CSMD1: variants seen among roughly 807,000 people sequenced by gnomAD.
CSMD1 encodes the protein CUB and Sushi multiple domains 1.
CSMD1 carries 213 observed loss-of-function variants against 417.5 expected under a neutral mutation model. The observed-to-expected ratio is 0.51, with a 90% CI of 0.46 to 0.57. CSMD1 has a LOEUF of 0.57. Among genes scored for constraint, CSMD1 ranks in the 20% least tolerant of loss-of-function variants. The pLI is 0.00. For synonymous variants in CSMD1, 2,862 were observed against 1,736.8 expected, an observed-to-expected ratio of 1.65 and a Z score of -16.11; for missense variants, 6,923 against 4,529.7, an observed-to-expected ratio of 1.53 and a Z score of -15.17.
rs1057001274 is a variant in CSMD1, at chr8:4,856,523, C to G, written c.85+137809G>C. On this transcript the variant is annotated intron_variant, in intron 1 of 69. Transcript: ENST00000635120. ...AGTGTGCTGTATTCAGGAAACCCAT[C>G]TCACGTGCAGAGACACACATAGGCT... Among the ~76,000 whole-genome samples, 25 of 139,298 alleles carry G rather than the reference C, an allele frequency of 1.8e-4. 1 individual carries two copies. The highest frequency in any genetic ancestry group is 2.1e-4 in the East Asian group (1 of 4,684). The allele number at this position is 139,298 out of a possible 152,430, so 91.4% of individuals were successfully genotyped here.
intron 3 of CSMD1, among the ~76,000 whole-genome samples, chr8:4,225,657 G>T (rs190408916): frequency 9.2e-4 from 140 of 152,222 alleles, no homozygotes; most frequent in Non-Finnish European, 1.4e-3. Flanking sequence ...GAAATTAAAA[G>T]CAGGAAAGTG....
chr8:4,986,388 C>A (rs990455117), intron 1 of CSMD1, among the ~76,000 whole-genome samples: 72 of 152,256 alleles, frequency 4.7e-4, no homozygotes, highest in African/African-American at 1.6e-3. Flanking sequence ...AAGACACTTT[C>A]TGTTAAAAAA....
chr8:3,083,555 G>A (rs1814260836), intron 49 of CSMD1, among the ~76,000 whole-genome samples: 1 of 126,986 alleles, frequency 7.9e-6, no homozygotes, highest in Admixed American at 8.8e-5. Context: ...AGCCAAATGT[G>A]CAACTCTATA....
chr8:4,429,397 T>C (rs531824654), intron 2 of CSMD1, among the ~76,000 whole-genome samples: 254 of 152,216 alleles, frequency 1.7e-3, no homozygotes, highest in African/African-American at 5.7e-3. Context: ...ACAAACTATA[T>C]CGGACAAAGA....
At chr8:3,933,895 T>C (rs1810312789) in intron 5 of CSMD1, among the ~76,000 whole-genome samples, 1 of 152,148 alleles carries the variant, frequency 6.6e-6, no homozygotes, top group South Asian at 2.1e-4. Context: ...TTACTTTCTC[T>C]AGGCCACCTA....
At chr8:3,175,475 C>CCTTTCCTTCCTTCTTTTT (rs1554451319) in intron 37 of CSMD1, among the ~76,000 whole-genome samples, 1 of 132,470 alleles carries the variant, frequency 7.5e-6, no homozygotes, top group African/African-American at 2.9e-5. Flanking sequence ...TCCTTCTTTT[C>CCTTTCCTTCCTTCTTTTT]CCTTCCTTCC....
chr8:3,593,398 TC>T (rs2117037737), intron 8 of CSMD1, among the ~76,000 whole-genome samples: 1 of 152,210 alleles, frequency 6.6e-6, no homozygotes, highest in African/African-American at 2.4e-5. Context: ...CCCATGAGCC[TC>T]CCCCAGGTCC....
intron 3 of CSMD1, among the ~76,000 whole-genome samples, chr8:4,069,679 T>A (rs965091632): frequency 2.6e-5 from 4 of 152,138 alleles, no homozygotes; most frequent in Non-Finnish European, 5.9e-5. Flanking sequence ...CCGACTGGAT[T>A]GCATTCTCAT....
intron 5 of CSMD1, among the ~76,000 whole-genome samples, chr8:3,834,581 A>G (rs1802570070): frequency 6.6e-6 from 1 of 152,190 alleles, no homozygotes; most frequent in African/African-American, 2.4e-5. Context: ...TGTATTACAA[A>G]TATATAAATG....
At chr8:3,558,862 G>C (rs535093416) in intron 10 of CSMD1, among the ~76,000 whole-genome samples, 9 of 152,122 alleles carry the variant, frequency 5.9e-5, no homozygotes, top group African/African-American at 2.2e-4. Context: ...AGTACCCCAT[G>C]TTCACCTGCC....
At chr8:4,415,373 C>G (rs116184202) in intron 3 of CSMD1, among the ~76,000 whole-genome samples, 4,834 of 152,260 alleles carry the variant, frequency 0.032, 139 homozygotes, top group African/African-American at 0.079. Context: ...TCTGTTGTCT[C>G]TCTTCCTTGA....
intron 1 of CSMD1, among the ~76,000 whole-genome samples, chr8:4,770,878 C>A (rs1193020884): frequency 6.6e-6 from 1 of 152,030 alleles, no homozygotes; most frequent in Non-Finnish European, 1.5e-5. Flanking sequence ...GGGAAATGCT[C>A]GTTAACATTG....
chr8:4,886,868 G>C (rs1803775872), intron 1 of CSMD1, among the ~76,000 whole-genome samples: 1 of 151,696 alleles, frequency 6.6e-6, no homozygotes, highest in Non-Finnish European at 1.5e-5. Context: ...TTTTCTTTTT[G>C]CTTTAATTGG....
intron 11 of CSMD1, among the ~76,000 whole-genome samples, chr8:3,476,848 G>A (rs1817456388): frequency 6.7e-6 from 1 of 149,558 alleles, no homozygotes; most frequent in Non-Finnish European, 1.5e-5. Context: ...AACCTGGGAA[G>A]CAGAGGTCGC....
At chr8:4,064,129 T>C (rs537554201) in intron 3 of CSMD1, among the ~76,000 whole-genome samples, 1 of 152,292 alleles carries the variant, frequency 6.6e-6, no homozygotes, top group East Asian at 1.9e-4. Context: ...AGAAAATTGT[T>C]TCTGCCTCTG....
At chr8:3,921,676 T>G (rs1442284443) in intron 5 of CSMD1, among the ~76,000 whole-genome samples, 1 of 152,160 alleles carries the variant, frequency 6.6e-6, no homozygotes, top group Non-Finnish European at 1.5e-5. Flanking sequence ...GTTGCTTAAT[T>G]TTCACATATT....
Position 3,494,488 on chromosome 8 carries a change from G to C in CSMD1, c.1345-762C>G, listed in dbSNP as rs112030581. Among the ~76,000 whole-genome samples the C allele has an allele frequency of 3.3e-5, 5 of 152,190 alleles. No individual in the cohort carries two copies. In the South Asian group the frequency reaches 6.2e-4, roughly 19 times the overall value. ...GAAGATAAATACATGATGATAATTA[G>C]AGGAATGATAGATAGATGATAGATT... On this transcript the variant is annotated intron_variant, in intron 10 of 69. Coordinates refer to ENST00000635120, the MANE Select transcript of CSMD1 (RefSeq NM_033225.6).
chr8:4,810,019 T>G (rs893571958), intron 1 of CSMD1, among the ~76,000 whole-genome samples: 10 of 152,218 alleles, frequency 6.6e-5, no homozygotes, highest in African/African-American at 2.4e-4. Flanking sequence ...GCCAAGTGCT[T>G]AGAATGAGGG....
At chr8:3,227,615 G>C (rs1393739933) in intron 27 of CSMD1, among the ~76,000 whole-genome samples, 1 of 152,072 alleles carries the variant, frequency 6.6e-6, no homozygotes, top group Non-Finnish European at 1.5e-5. Context: ...CTAGAGAGTG[G>C]CATCAGTGGT....
Sources: gnomAD v4.1 joint callset for allele counts (sites outside exome capture counted in the v4.1 genomes callset) on GRCh38, gnomAD v4.1.1 for gene constraint, MANE v1.5 for transcripts, NCBI Gene and HGNC (gene_info 2026-07-23, HGNC 2026-07-21) for gene names.